Variants in CD300LB observed in about 807,000 individuals in gnomAD.
The protein encoded by CD300LB is CMRF35-like molecule 7.
In CD300LB, 18 loss-of-function variants were observed where a neutral mutation model predicts 20.8. The ratio of observed to expected loss-of-function variants is 0.87; its 90% CI spans 0.60 to 1.28. The LOEUF is 1.28. CD300LB is among the 50% of genes most tolerant of loss of function. The pLI is 0.00. For missense variants in CD300LB, 222 were observed against 251.8 expected (o/e 0.88, Z 0.80); for synonymous variants, 91 against 91.3 (o/e 1.00, Z 0.02).
In CD300LB at chr17:74,525,861, G is replaced by C. The variant is rs374822987; in HGVS notation, c.257C>G (p.Thr86Arg). 12 of 1,613,948 alleles carry C rather than the reference G, an allele frequency of 7.4e-6. No homozygotes were observed. The highest frequency in any genetic ancestry group is 1.0e-5 in the Non-Finnish European group (12 of 1,180,026). ...GAGCCCCTCCATGGTCACAGTGAAC[G>C]TGCGGTCTTTCTGATTGTCCTTGAT... Reference protein sequence around the residue: ...VSIKDNQKDRTFTVTMEGLRR... With the variant: ...VSIKDNQKDRRFTVTMEGLRR... Residue 86 changes from threonine (T) to arginine (R), a missense_variant, in exon 2 of 4, where the codon ACG (threonine) becomes AGG (arginine). Thr to Arg is a moderately conservative substitution (Grantham distance 71). Transcript: ENST00000392621.
At chr17:74,522,934 GCATCCCCAGGCCATGTCACTCC>G in intron 3 of CD300LB, 34 bp from the exon 4 acceptor site, 1 of 1,597,500 alleles carries the variant, frequency 6.3e-7, no homozygotes, top group Non-Finnish European at 8.5e-7. Flanking sequence ...AGAGCCCTGG[GCATCCCCAGGCCATGTCACTCC>G]CATCCCCTGA....
At chr17:74,525,633 C>G in intron 2 of CD300LB, 115 bp downstream of exon 2, 1 of 883,426 alleles carries the variant, frequency 1.1e-6, no homozygotes, top group South Asian at 1.6e-5. Flanking sequence ...CTCTCTCTCT[C>G]TCTCTCTTAG....
In CD300LB at chr17:74,522,600, C is replaced by A. The variant is rs563507137; in HGVS notation, c.*138G>T. 7 of 1,480,180 alleles carry A rather than the reference C, an allele frequency of 4.7e-6. No individual in the cohort carries two copies. Among genetic ancestry groups the A allele is most frequent in the Non-Finnish European group, 6.3e-6 (7 of 1,119,296 alleles). 91.7% of individuals were successfully genotyped at this position (1,480,180 alleles called of 1,614,324 possible). A position where few individuals can be genotyped will look rare whatever the true frequency, so the allele number is the denominator to read the frequency against. ...GCTGTGCAGAACAGGGAGGTGCCCA[C>A]CAGCTCCAAGGCCAGGGCGGAGGCC... On this transcript the variant is annotated 3_prime_UTR_variant, in exon 4 of 4. Coordinates refer to ENST00000392621, the MANE Select transcript of CD300LB (RefSeq NM_174892.4).
At position 74,521,312 on chromosome 17, in the gene CD300LB, C is replaced by A. The variant is rs542297899; in HGVS notation, c.*1426G>T. ...CACCATGCTTTGGCTTTCCCTCCCGCGGAGCGGTGCCGTCCTCCCTGGGTC... is the reference window on the plus strand; with the variant it reads ...CACCATGCTTTGGCTTTCCCTCCCGAGGAGCGGTGCCGTCCTCCCTGGGTC... On this transcript the variant is annotated 3_prime_UTR_variant, in exon 4 of 4. Coordinates refer to ENST00000392621, the MANE Select transcript of CD300LB (RefSeq NM_174892.4). The A allele has an allele frequency of 5.1e-6, 5 of 979,568 alleles. No homozygotes were observed. The highest frequency in any genetic ancestry group is 6.1e-6 in the Non-Finnish European group (5 of 824,552). 60.7% of individuals were successfully genotyped at this position (979,568 alleles called of 1,614,324 possible).
intron 3 of CD300LB, 125 bp from the exon 4 acceptor site, chr17:74,523,025 T>C (rs1907930466): frequency 1.1e-5 from 10 of 887,214 alleles, no homozygotes; most frequent in Non-Finnish European, 1.5e-5. Flanking sequence ...ACTCTGAAGA[T>C]TCCTGTAAAC....
intron 1 of CD300LB, 48 bp downstream of exon 1, chr17:74,531,263 T>C: frequency 6.8e-7 from 1 of 1,479,630 alleles, no homozygotes; most frequent in Non-Finnish European, 9.0e-7. Flanking sequence ...CTCTGCCTCC[T>C]GCCCTGCCCC....
rs145561990 is a variant in CD300LB, at chr17:74,530,707, C to T, written c.40+604G>A. On this transcript the variant is annotated intron_variant, in intron 1 of 3. Coordinates refer to ENST00000392621, the MANE Select transcript of CD300LB (RefSeq NM_174892.4). The stretch of plus-strand genomic sequence containing the variant: ...TTTCTCTAGTCACCAGAGAGAACTG[C>T]TTCATCCTCCGCACACGCCTCCACC... Among the ~76,000 whole-genome samples the T allele has an allele frequency of 2.0e-5, 3 of 152,296 alleles. No homozygotes were observed. The East Asian group carries it at 5.8e-4, about 29-fold the overall frequency.
rs949931688 is a variant in CD300LB at position 74,521,762 on chromosome 17, C to T, written c.*976G>A. The stretch of plus-strand genomic sequence containing the variant: ...GGAGCACATCTCACATGGGAAGGTC[C>T]CTTTGGTGTGAGGGTCCCTCAACCA... On this transcript the variant is annotated 3_prime_UTR_variant, in exon 4 of 4. Coordinates refer to ENST00000392621, the MANE Select transcript of CD300LB (RefSeq NM_174892.4). 18 of 985,462 alleles carry T rather than the reference C, an allele frequency of 1.8e-5. No homozygotes were observed. The highest frequency in any genetic ancestry group is 2.3e-4 in the East Asian group (2 of 8,830). The allele number at this position is 985,462 out of a possible 1,614,324, so 61.0% of individuals were successfully genotyped here.
intron 1 of CD300LB, among the ~76,000 whole-genome samples, chr17:74,526,765 T>C (rs1165128789): frequency 6.6e-6 from 1 of 152,116 alleles, no homozygotes; most frequent in Admixed American, 6.5e-5. Context: ...AATTCCATAG[T>C]GTAAATACTC....
At chr17:74,527,029 C>T (rs1160053464) in intron 1 of CD300LB, among the ~76,000 whole-genome samples, 1 of 152,218 alleles carries the variant, frequency 6.6e-6, no homozygotes, top group Non-Finnish European at 1.5e-5. Flanking sequence ...CTTAGCTAGC[C>T]CACCATTTAC....
rs1178465354 is a variant in CD300LB at position 74,522,471 on chromosome 17, G to A, written c.*267C>T. The A allele has an allele frequency of 2.0e-5, 24 of 1,207,188 alleles. No homozygotes were observed. The highest frequency in any genetic ancestry group is 1.6e-4 in the South Asian group (7 of 44,306). 74.8% of individuals were successfully genotyped at this position (1,207,188 alleles called of 1,614,324 possible). ...TTATTCCAGCAGTGGGGACAGAGTC[G>A]TCCAGTGCTTGAGCTCCATCTCTAC... On this transcript the variant is annotated 3_prime_UTR_variant, in exon 4 of 4. Transcript: ENST00000392621.
chr17:74,531,407 T>A lies in CD300LB; in HGVS notation c.-57A>T, dbSNP rs1326292262. On this transcript the variant is annotated 5_prime_UTR_variant, in exon 1 of 4. Transcript: ENST00000392621. Reference sequence around the variant, plus strand: ...ATCTGCAACCAGTGGCAAATGCAGATCCCAGATGCACTCTGGAAGTTCTGC... The same window carrying A: ...ATCTGCAACCAGTGGCAAATGCAGAACCCAGATGCACTCTGGAAGTTCTGC... 2 of 1,612,286 alleles carry A rather than the reference T, an allele frequency of 1.2e-6. No homozygotes were observed. The highest frequency in any genetic ancestry group is 1.3e-5 in the African/African-American group (1 of 74,810).
In CD300LB at chr17:74,522,710, G is replaced by A. The variant is rs552367515; in HGVS notation, c.*28C>T. Reference sequence around the variant, plus strand: ...GAGTCTCTTCTGGAAACGTGGCCAGGGCAGGAAGGCTCTGCAGATCCATCT... The same window carrying A: ...GAGTCTCTTCTGGAAACGTGGCCAGAGCAGGAAGGCTCTGCAGATCCATCT... On this transcript the variant is annotated 3_prime_UTR_variant, in exon 4 of 4. Transcript: ENST00000392621. The A allele has an allele frequency of 2.5e-5, 41 of 1,613,252 alleles. No individual in the cohort carries two copies. In the South Asian group the frequency reaches 4.2e-4, roughly 16 times the overall value.
rs553882267 is a variant in CD300LB at position 74,524,954 on chromosome 17, CTT to C, written c.370+792_370+793del. 2.8e-4 allele frequency among the ~76,000 whole-genome samples: 43 copies of C among 152,312 alleles called. No homozygotes were observed. The South Asian group carries it at 8.9e-3, about 32-fold the overall frequency. ...CTGCAGCCACTGTGTCCATGTGCCT[CTT>C]TGGTCCCAACCCCAACAGTACACAG... On this transcript the variant is annotated intron_variant, in intron 2 of 3. Transcript: ENST00000392621.
At chr17:74,524,548 A>G (rs783251) in intron 2 of CD300LB, among the ~76,000 whole-genome samples, 146,748 of 152,314 alleles carry the variant, frequency 0.96, 70,735 homozygotes, top group East Asian at 1. Flanking sequence ...AGTTCACCCC[A>G]CTGCACTCCA....
At chr17:74,528,865 C>T (rs917024446) in intron 1 of CD300LB, among the ~76,000 whole-genome samples, 1 of 152,184 alleles carries the variant, frequency 6.6e-6, no homozygotes, top group Admixed American at 6.5e-5. Flanking sequence ...GGCAAGGTGG[C>T]TCATGCCTGT....
At chr17:74,523,428 T>C in intron 3 of CD300LB, 151 bp downstream of exon 3, 1 of 654,142 alleles carries the variant, frequency 1.5e-6, no homozygotes, top group South Asian at 1.7e-5. Context: ...ATTGCAGTGA[T>C]GGGGGCAGGA....
Position 74,522,324 on chromosome 17 carries a change from G to T in CD300LB, c.*414C>A. On this transcript the variant is annotated 3_prime_UTR_variant, in exon 4 of 4. Transcript: ENST00000392621. ...TAGAAAAAAAAAAATTTAAAAACAC[G>T]GATATATCAGGTTCTCAGGCAAAGA... 8.1e-6 allele frequency: 8 copies of T among 990,272 alleles called. No homozygotes were observed. Among genetic ancestry groups the T allele is most frequent in the African/African-American group, 1.7e-5 (1 of 57,506 alleles). 61.3% of individuals were successfully genotyped at this position (990,272 alleles called of 1,614,324 possible).
rs1907898333 is a variant in CD300LB, at chr17:74,522,150, C to T, written c.*588G>A. 7 of 985,390 alleles carry T rather than the reference C, an allele frequency of 7.1e-6. No homozygotes were observed. In the South Asian group the frequency reaches 2.8e-4, roughly 40 times the overall value. 61.0% of individuals were successfully genotyped at this position (985,390 alleles called of 1,614,324 possible). ...GGAGGTTCCCATTGCCTCCTCAGCC[C>T]TGTGGACTCAGAGCCATGTCCTCCC... On this transcript the variant is annotated 3_prime_UTR_variant, in exon 4 of 4. Transcript: ENST00000392621.
Sources: gnomAD v4.1 joint callset for allele counts (sites outside exome capture counted in the v4.1 genomes callset) on GRCh38, gnomAD v4.1.1 for gene constraint, MANE v1.5 for transcripts, NCBI Gene and HGNC (gene_info 2026-07-23, HGNC 2026-07-21) for gene names.